The following USP24 variants were observed in gnomAD, a reference collection of about 807,000 sequenced individuals.
USP24 encodes the protein ubiquitin carboxyl-terminal hydrolase 24.
A neutral mutation model predicts 361.6 loss-of-function variants in USP24; 97 were observed. The ratio of observed to expected loss-of-function variants is 0.27; its 90% CI spans 0.23 to 0.32. The LOEUF is 0.32. Ranked by LOEUF, USP24 falls within the 10% of genes least tolerant of loss-of-function variation. USP24 has a pLI of 1.00. For synonymous variants in USP24, 1,098 were observed against 1,124.6 expected (o/e 0.98, Z 0.47); for missense variants, 2,353 against 3,165.6 (o/e 0.74, Z 6.16).
chr1:55,139,079 G>A, intron 24 of USP24, 69 bp from the exon 25 acceptor site: 1 of 1,388,756 alleles, frequency 7.2e-7, no homozygotes, highest in Non-Finnish European at 9.9e-7. Flanking sequence ...GTTCTAGTCT[G>A]TTTCACCAAA....
In USP24 at chr1:55,148,555, T is replaced by G; in HGVS notation, c.1876A>C (p.Asn626His). The change falls in exon 17 of 68, where the codon AAT (asparagine) becomes CAT (histidine). Residue 626 changes from asparagine to histidine, a missense_variant. Asn to His is a moderately conservative substitution (Grantham distance 68). Coordinates refer to ENST00000294383, the MANE Select transcript of USP24 (RefSeq NM_015306.3). ...KDGFKSSQLNNPQFVWVVPAL... is the reference protein window; with the variant it reads ...KDGFKSSQLNHPQFVWVVPAL... Reference sequence around the variant, plus strand: ...GGTACCACCCATACAAACTGGGGATTATTAAGCTGAGATGACTAGAGTTAA... The same window carrying G: ...GGTACCACCCATACAAACTGGGGATGATTAAGCTGAGATGACTAGAGTTAA... The G allele has an allele frequency of 1.3e-6, 2 of 1,585,606 alleles. No individual in the cohort carries two copies. Among genetic ancestry groups the G allele is most frequent in the South Asian group, 2.3e-5 (2 of 86,370 alleles).
intron 41 of USP24, among the ~76,000 whole-genome samples, chr1:55,104,277 A>G (rs1645715276): frequency 6.6e-6 from 1 of 152,180 alleles, no homozygotes; most frequent in Admixed American, 6.5e-5. Flanking sequence ...TGAATGGATC[A>G]GCAAGAATGG....
chr1:55,171,803 C>T (rs1649478090), intron 4 of USP24, 125 bp from the exon 5 acceptor site: 2 of 1,101,056 alleles, frequency 1.8e-6, no homozygotes, highest in Non-Finnish European at 2.6e-6. Flanking sequence ...CAAGAATACA[C>T]CGAAAGCATA....
intron 60 of USP24, among the ~76,000 whole-genome samples, chr1:55,079,175 C>T (rs1645091665): frequency 6.6e-6 from 1 of 152,092 alleles, no homozygotes; most frequent in South Asian, 2.1e-4. Context: ...ACCCACACTC[C>T]TGAGGTTTAA....
At position 55,207,077 on chromosome 1, in the gene USP24, G is replaced by A. The variant is rs1192452156; in HGVS notation, c.324+7713C>T. On this transcript the variant is annotated intron_variant, in intron 1 of 67. Coordinates refer to ENST00000294383, the MANE Select transcript of USP24 (RefSeq NM_015306.3). ...GAGGCTGCGGTGGGGAGAATCACTT[G>A]AGCCTAGGAGGCAGAGGCTACAATC... Among the ~76,000 whole-genome samples, 3 of 152,056 alleles carry A rather than the reference G, an allele frequency of 2.0e-5. No homozygotes were observed. In the South Asian group the frequency reaches 6.2e-4, roughly 31 times the overall value.
rs746586017 is a variant in USP24, at chr1:55,097,062, T to A, written c.5826A>T (p.Gly1942=). The A allele has an allele frequency of 1.2e-6, 2 of 1,613,652 alleles. No homozygotes were observed. Residue 1942 remains glycine, a synonymous_variant, in exon 49 of 68, where the codon GGA becomes GGT. Transcript: ENST00000294383. ...TGAGGGCAACCTTTTTTCGTGGGGATCCTCCACCGCCCTGATCCACACTTC... is the reference window on the plus strand; with the variant it reads ...TGAGGGCAACCTTTTTTCGTGGGGAACCTCCACCGCCCTGATCCACACTTC... ...NGRSVDQGGG[G]SPRKKVALTE...
chr1:55,141,224 T>C (rs80161374), intron 24 of USP24, among the ~76,000 whole-genome samples: 2,228 of 152,304 alleles, frequency 0.015, 32 homozygotes, highest in Admixed American at 0.025. Context: ...AGAAAAGCTA[T>C]ATCTAAGTAA....
intron 60 of USP24, among the ~76,000 whole-genome samples, chr1:55,079,046 C>T (rs1293224378): frequency 6.7e-6 from 1 of 149,466 alleles, no homozygotes; most frequent in Non-Finnish European, 1.5e-5. Flanking sequence ...ATCTGTAAAT[C>T]AGGTAGGGAA....
At chr1:55,087,292 AG>A (rs1260632215) in intron 55 of USP24, among the ~76,000 whole-genome samples, 3 of 152,242 alleles carry the variant, frequency 2.0e-5, no homozygotes, top group Non-Finnish European at 4.4e-5. Flanking sequence ...AAACTCCATC[AG>A]GAAGAATGTA....
At chr1:55,092,151 G>A in intron 53 of USP24, 25 bp from the exon 54 acceptor site, 1 of 1,534,308 alleles carries the variant, frequency 6.5e-7, no homozygotes, top group Non-Finnish European at 8.9e-7. Flanking sequence ...CATGAAAGAG[G>A]ATATTTTTCA....
intron 45 of USP24, among the ~76,000 whole-genome samples, chr1:55,099,414 C>T (rs1645574614): frequency 6.6e-6 from 1 of 151,940 alleles, no homozygotes; most frequent in South Asian, 2.1e-4. Context: ...AAAAATTAGC[C>T]GGGCGTGGTG....
chr1:55,142,798 GA>G lies in USP24; in HGVS notation c.2581-4del. On this transcript the variant is annotated splice_region_variant and splice_polypyrimidine_tract_variant and intron_variant, in intron 22 of 67. Transcript: ENST00000294383. ...TTCTTATGTAAAGATACTGAATCCT[GA>G]AAGAGTATATGGAAATTACAATTAG... 6.5e-7 allele frequency: 1 copy of G among 1,540,000 alleles called. No individual in the cohort carries two copies. Among genetic ancestry groups the G allele is most frequent in the South Asian group, 1.2e-5 (1 of 81,428 alleles).
chr1:55,070,216 G>T (rs959254407), intron 67 of USP24, among the ~76,000 whole-genome samples: 3 of 152,096 alleles, frequency 2.0e-5, no homozygotes, highest in Admixed American at 6.5e-5. Context: ...CGAGTCTGAG[G>T]TCTTTAAGGT....
intron 1 of USP24, among the ~76,000 whole-genome samples, chr1:55,188,896 G>A (rs892796812): frequency 6.8e-6 from 1 of 146,862 alleles, no homozygotes. Context: ...GGAGGCGGAG[G>A]TTGTGGTGAG....
In USP24 at chr1:55,069,025, C is replaced by T. The variant is rs1644866553; in HGVS notation, c.*20G>A. 3 of 1,613,746 alleles carry T rather than the reference C, an allele frequency of 1.9e-6. No homozygotes were observed. The highest frequency in any genetic ancestry group is 2.5e-6 in the Non-Finnish European group (3 of 1,179,768). On this transcript the variant is annotated 3_prime_UTR_variant, in exon 68 of 68. Coordinates refer to ENST00000294383, the MANE Select transcript of USP24 (RefSeq NM_015306.3). ...CATCCAGTATTGTGTCTTGACTCCT[C>T]TCAGGCTGGGCATGTTCCTCTAGGG...
At chr1:55,076,244 G>A (rs1267433883) in intron 62 of USP24, among the ~76,000 whole-genome samples, 2 of 152,098 alleles carry the variant, frequency 1.3e-5, no homozygotes, top group African/African-American at 4.8e-5. Context: ...CTAGTTCTTA[G>A]TACTGAACTG....
Position 55,171,585 on chromosome 1 carries a change from C to G in USP24, c.796G>C (p.Ala266Pro). The G allele has an allele frequency of 6.2e-7, 1 of 1,611,378 alleles. No homozygotes were observed. The highest frequency in any genetic ancestry group is 8.5e-7 in the Non-Finnish European group (1 of 1,178,698). The change falls in exon 5 of 68, where the codon GCT (alanine) becomes CCT (proline). Residue 266 changes from alanine to proline, a missense_variant. Physicochemically the swap from Ala to Pro is conservative, Grantham distance 27 (BLOSUM62 -1). Coordinates refer to ENST00000294383, the MANE Select transcript of USP24 (RefSeq NM_015306.3). ...TGGAAAGTCGATACAGGTGAAACAGCAAACATATTTCCCTCTCCAAACACT... is the reference window on the plus strand; with the variant it reads ...TGGAAAGTCGATACAGGTGAAACAGGAAACATATTTCCCTCTCCAAACACT... ...AEVFGEGNMF[A>P]VSPVSTFQKE...
intron 39 of USP24, among the ~76,000 whole-genome samples, chr1:55,109,302 C>T (rs912131696): frequency 2.0e-5 from 3 of 152,152 alleles, no homozygotes; most frequent in African/African-American, 7.2e-5. Context: ...CAGACACTTA[C>T]GAAACTGATG....
intron 59 of USP24, 61 bp downstream of exon 59, chr1:55,081,261 T>G: frequency 1.3e-5 from 19 of 1,487,000 alleles, no homozygotes; most frequent in Non-Finnish European, 1.6e-5. Flanking sequence ...CTTGCTAATA[T>G]AATTACTCTC....
Sources: allele counts gnomAD v4.1 joint callset (sites outside exome capture counted in the v4.1 genomes callset), GRCh38; gene constraint gnomAD v4.1.1; transcripts MANE v1.5; gene names NCBI Gene and HGNC (gene_info 2026-07-23, HGNC 2026-07-21).